Variants in PPP2R5E observed in about 807,000 individuals in gnomAD.
The protein encoded by PPP2R5E is serine/threonine-protein phosphatase 2A 56 kDa regulatory subunit epsilon isoform.
A neutral mutation model predicts 65.3 loss-of-function variants in PPP2R5E; 4 were observed. That is an observed-to-expected ratio of 0.06 (90% CI 0.03 to 0.14). The LOEUF (loss-of-function observed/expected upper bound fraction) is 0.14, where lower values mean the gene tolerates loss of function less well. Ranked by LOEUF, PPP2R5E falls within the 10% of genes least tolerant of loss-of-function variation. The probability of loss-of-function intolerance (pLI) is 1.00; values close to 1 mark genes in which losing one functional copy is unlikely to be tolerated. For missense variants in PPP2R5E, 274 were observed against 556.1 expected, an observed-to-expected ratio of 0.49 and a Z score of 5.10; for synonymous variants, 183 against 187.4, an observed-to-expected ratio of 0.98 and a Z score of 0.19.
intron 3 of PPP2R5E, among the ~76,000 whole-genome samples, chr14:63,430,373 G>GCATACATACATACATGCATGCATGCATA (rs1402372223): frequency 7.9e-6 from 1 of 126,534 alleles, no homozygotes; most frequent in African/African-American, 3.2e-5. Context: ...ATACATACAT[G>GCATACATACATACATGCATGCATGCATA]CATGCATACA....
chr14:63,418,046 T>C lies in PPP2R5E; in HGVS notation c.457-2814A>G, dbSNP rs1014167911. Among the ~76,000 whole-genome samples the C allele has an allele frequency of 1.4e-4, 21 of 152,298 alleles. 1 individual carries two copies. Among genetic ancestry groups the C allele is most frequent in the African/African-American group, 4.8e-4 (20 of 41,562 alleles). ...TTTTACTTCCTTATAAAACTATGTT[T>C]TTCTCCTTGGAACTCTCTGAATTCA... On this transcript the variant is annotated intron_variant, in intron 4 of 13. Transcript: ENST00000337537.
At chr14:63,473,183 G>T (rs940570043) in intron 2 of PPP2R5E, among the ~76,000 whole-genome samples, 1 of 152,210 alleles carries the variant, frequency 6.6e-6, no homozygotes, top group Non-Finnish European at 1.5e-5. Flanking sequence ...AGAGAAGTTA[G>T]TCAAGGAAGT....
intron 2 of PPP2R5E, among the ~76,000 whole-genome samples, chr14:63,462,564 T>C (rs1401709853): frequency 6.6e-6 from 1 of 152,176 alleles, no homozygotes; most frequent in Non-Finnish European, 1.5e-5. Flanking sequence ...TTGCACGTTT[T>C]AATAAACTGT....
chr14:63,391,394 A>AGTTTTGTTTTGTTTTGTTTT lies in PPP2R5E; in HGVS notation c.954+422_954+423insAAAACAAAACAAAACAAAAC, dbSNP rs150324955. Among the ~76,000 whole-genome samples the AGTTTTGTTTTGTTTTGTTTT allele has an allele frequency of 3.0e-3, 454 of 149,100 alleles. 5 individuals carry two copies. Among genetic ancestry groups the AGTTTTGTTTTGTTTTGTTTT allele is most frequent in the East Asian group, 0.025 (124 of 5,018 alleles). ...CAATGAGGTTTAAATGAGATGATGC[A>AGTTTTGTTTTGTTTTGTTTT]GTTTTGCTTTGTTTTGTTTTGTTTT... On this transcript the variant is annotated intron_variant, in intron 10 of 13. Transcript: ENST00000337537.
rs200353262 is a variant in PPP2R5E at position 63,380,671 on chromosome 14, A to AC, written c.1304+1384_1304+1385insG. On this transcript the variant is annotated intron_variant, in intron 13 of 13. Transcript: ENST00000337537. ...AGCAAGACTCCATCTCAAAAAACAA[A>AC]AAAAAAAAAGTTGTTTAAACTGTGA... is the stretch of plus-strand genomic sequence containing the variant. Among the ~76,000 whole-genome samples, 1,441 of 152,040 alleles carry AC rather than the reference A, an allele frequency of 9.5e-3. 15 individuals are homozygous for AC. Among genetic ancestry groups the AC allele is most frequent in the African/African-American group, 0.032 (1,309 of 41,470 alleles).
chr14:63,420,982 G>C (rs1404710113), intron 4 of PPP2R5E, among the ~76,000 whole-genome samples: 3 of 100,100 alleles, frequency 3.0e-5, no homozygotes, highest in African/African-American at 5.5e-5. Context: ...GAACCCGGGA[G>C]GCGGAGCTTG....
At chr14:63,377,604 C>T (rs1416078144) in intron 13 of PPP2R5E, among the ~76,000 whole-genome samples, 2 of 152,114 alleles carry the variant, frequency 1.3e-5, no homozygotes, top group Non-Finnish European at 2.9e-5. Context: ...GAACTCTTTA[C>T]AATAAATGTT....
chr14:63,434,052 A>C (rs1318619015), intron 3 of PPP2R5E, among the ~76,000 whole-genome samples: 1 of 151,982 alleles, frequency 6.6e-6, no homozygotes, highest in African/African-American at 2.4e-5. Context: ...AATTGTGGGG[A>C]GATTTTAGGG....
At chr14:63,467,234 A>G (rs1889873145) in intron 2 of PPP2R5E, among the ~76,000 whole-genome samples, 1 of 131,294 alleles carries the variant, frequency 7.6e-6, no homozygotes, top group South Asian at 2.2e-4. Context: ...AAAAAAACAA[A>G]CAAACAAACA....
chr14:63,378,465 T>C (rs890273872), intron 13 of PPP2R5E, among the ~76,000 whole-genome samples: 1 of 152,216 alleles, frequency 6.6e-6, no homozygotes, highest in African/African-American at 2.4e-5. Context: ...CATTAAAACA[T>C]TCATCATCTT....
rs1191713514 is a variant in PPP2R5E, at chr14:63,501,378, C to G, written c.157+38151G>C. Among the ~76,000 whole-genome samples the G allele has an allele frequency of 2.0e-5, 3 of 148,972 alleles. No individual in the cohort carries two copies. The East Asian group carries it at 5.9e-4, about 29-fold the overall frequency. On this transcript the variant is annotated intron_variant, in intron 2 of 13. Coordinates refer to ENST00000337537, the MANE Select transcript of PPP2R5E (RefSeq NM_006246.5). ...CGATACAGTGCCACTGCACTCCAGC[C>G]TGGGCGACAGAGCAAGACTCCGTCT...
chr14:63,402,415 A>G (rs1046785007), intron 5 of PPP2R5E, among the ~76,000 whole-genome samples: 3 of 152,254 alleles, frequency 2.0e-5, no homozygotes, highest in Non-Finnish European at 4.4e-5. Context: ...AATTATGACT[A>G]TGAAGTCAAA....
chr14:63,443,200 C>A (rs115356852), intron 3 of PPP2R5E, among the ~76,000 whole-genome samples: 1 of 151,988 alleles, frequency 6.6e-6, no homozygotes, highest in African/African-American at 2.4e-5. Flanking sequence ...CAAGAAACAA[C>A]GTAACGAACT....
intron 10 of PPP2R5E, among the ~76,000 whole-genome samples, chr14:63,390,058 G>T (rs1486365683): frequency 2.6e-5 from 4 of 151,716 alleles, no homozygotes; most frequent in Non-Finnish European, 5.9e-5. Flanking sequence ...TAGTAATCCA[G>T]CTCTCTTTCC....
Position 63,493,538 on chromosome 14 carries a change from T to C in PPP2R5E, c.158-39653A>G, listed in dbSNP as rs367968391. ...AGGGGGAGGGGAGCAAAAGAACCCC[T>C]AGGTGAGAATCATTGGTAGAGAGCA... On this transcript the variant is annotated intron_variant, in intron 2 of 13. Coordinates refer to ENST00000337537, the MANE Select transcript of PPP2R5E (RefSeq NM_006246.5). Among the ~76,000 whole-genome samples the C allele has an allele frequency of 6.6e-5, 10 of 151,848 alleles. 2 individuals carry two copies. Among genetic ancestry groups the C allele is most frequent in the African/African-American group, 2.4e-4 (10 of 41,444 alleles).
At chr14:63,529,695 G>C (rs1310978647) in intron 2 of PPP2R5E, among the ~76,000 whole-genome samples, 1 of 152,056 alleles carries the variant, frequency 6.6e-6, no homozygotes, top group Non-Finnish European at 1.5e-5. Context: ...GTTTTCTAAA[G>C]TCATCAAGGA....
intron 2 of PPP2R5E, among the ~76,000 whole-genome samples, chr14:63,537,014 A>G (rs1201715744): frequency 6.6e-6 from 1 of 152,192 alleles, no homozygotes; most frequent in Non-Finnish European, 1.5e-5. Context: ...GGTAAATTTC[A>G]TGTTATGTAT....
At chr14:63,523,271 T>G (rs1474726445) in intron 2 of PPP2R5E, among the ~76,000 whole-genome samples, 17 of 151,388 alleles carry the variant, frequency 1.1e-4, no homozygotes, top group Non-Finnish European at 2.1e-4. Flanking sequence ...TAGAAAGTGG[T>G]GAGAGGTGGG....
intron 4 of PPP2R5E, among the ~76,000 whole-genome samples, chr14:63,419,805 C>T (rs1886902497): frequency 6.6e-6 from 1 of 152,204 alleles, no homozygotes; most frequent in Non-Finnish European, 1.5e-5. Context: ...TGTCAACACA[C>T]ATGAAACCAG....
Sources: gnomAD v4.1 joint callset for allele counts (sites outside exome capture counted in the v4.1 genomes callset) on GRCh38, gnomAD v4.1.1 for gene constraint, MANE v1.5 for transcripts, NCBI Gene and HGNC (gene_info 2026-07-23, HGNC 2026-07-21) for gene names.